Variants in EPS15 observed in about 807,000 individuals in gnomAD.
EPS15 encodes the protein epidermal growth factor receptor pathway substrate 15, also known as epidermal growth factor receptor substrate 15.
Under a neutral mutation model 113.8 loss-of-function variants are expected in EPS15, and 72 were observed. The ratio of observed to expected loss-of-function variants is 0.63; its 90% CI spans 0.52 to 0.77. The LOEUF (loss-of-function observed/expected upper bound fraction) is 0.77. Ranked by LOEUF, EPS15 falls within the 30% of genes least tolerant of loss-of-function variation. The probability of loss-of-function intolerance (pLI) is 0.00; values close to 1 mark genes in which losing one functional copy is unlikely to be tolerated. For missense variants in EPS15, 1,048 were observed against 1,045.8 expected, an observed-to-expected ratio of 1.00 and a Z score of -0.03; for synonymous variants, 344 against 363.4, an observed-to-expected ratio of 0.95 and a Z score of 0.61.
At chr1:51,372,723 G>T in intron 21 of EPS15, 1 of 410,448 alleles carries the variant, frequency 2.4e-6, no homozygotes, top group East Asian at 5.8e-5. Context: ...AAAAACATTT[G>T]AGCATGTGGC....
In EPS15 at chr1:51,421,816, A is replaced by G. The variant is rs778172771; in HGVS notation, c.1083T>C (p.Asp361=). 3.1e-6 allele frequency: 5 copies of G among 1,607,710 alleles called. No homozygotes were observed. The highest frequency in any genetic ancestry group is 1.7e-4 in the Middle Eastern group (1 of 6,044). Residue 361 remains aspartate (D), a synonymous_variant, in exon 13 of 25, where the codon GAT becomes GAC. Coordinates refer to ENST00000371733, the MANE Select transcript of EPS15 (RefSeq NM_001981.3). ...CCTCACTTGTCCTCTGTTTAATAGT[A>G]TCTTCCTTCTCCTTAAGGTCCTGTT... The part of the protein sequence containing the change: ...NVEQDLKEKE[D]TIKQRTSEVQ...
intron 21 of EPS15, among the ~76,000 whole-genome samples, chr1:51,390,147 T>C (rs867257660): frequency 0.066 from 10,059 of 151,348 alleles, 348 homozygotes; most frequent in African/African-American, 0.081. Context: ...ACAGAGCCCT[T>C]AGAAATAACG....
intron 15 of EPS15, among the ~76,000 whole-genome samples, chr1:51,407,496 G>A (rs762769996): frequency 2.6e-5 from 4 of 152,090 alleles, no homozygotes; most frequent in Admixed American, 2.0e-4. Context: ...CCACCATGCC[G>A]AGCCCTAACT....
intron 8 of EPS15, chr1:51,459,079 C>G (rs1318965107): frequency 6.6e-6 from 1 of 152,186 alleles, no homozygotes; most frequent in African/African-American, 2.4e-5. Flanking sequence ...GTTTCTCTTT[C>G]TGCATTTTTA....
chr1:51,408,830 C>T (rs979870511), intron 14 of EPS15, among the ~76,000 whole-genome samples: 4 of 141,024 alleles, frequency 2.8e-5, no homozygotes, highest in African/African-American at 1.1e-4. Flanking sequence ...GACAGAGTCT[C>T]GCTCTGTTGC....
intron 2 of EPS15, among the ~76,000 whole-genome samples, chr1:51,474,616 C>A (rs1655474023): frequency 6.6e-6 from 1 of 152,010 alleles, no homozygotes; most frequent in African/African-American, 2.4e-5. Flanking sequence ...GTGCATAAGC[C>A]CTTTCTGAGA....
At chr1:51,431,008 AC>A (rs1256902605) in intron 12 of EPS15, among the ~76,000 whole-genome samples, 3 of 150,150 alleles carry the variant, frequency 2.0e-5, no homozygotes, top group Non-Finnish European at 3.0e-5. Context: ...ACACACACAC[AC>A]ACACACACAC....
In EPS15 at chr1:51,426,835, C is replaced by A. The variant is rs538822697; in HGVS notation, c.1041-4977G>T. On this transcript the variant is annotated intron_variant, in intron 12 of 24. Coordinates refer to ENST00000371733, the MANE Select transcript of EPS15 (RefSeq NM_001981.3). ...TAAATCTGTCTCTCTCTCTCTCTCT[C>A]TCTATATATATATATATACACACAC... 2.9e-3 allele frequency among the ~76,000 whole-genome samples: 404 copies of A among 139,560 alleles called. 2 individuals carry two copies. The highest frequency in any genetic ancestry group is 0.011 in the African/African-American group (373 of 35,508). 91.6% of individuals were successfully genotyped at this position (139,560 alleles called of 152,430 possible). A position where few individuals can be genotyped will look rare whatever the true frequency, so the allele number is the denominator to read the frequency against.
intron 1 of EPS15, among the ~76,000 whole-genome samples, chr1:51,504,183 C>T (rs563451731): frequency 5.9e-5 from 9 of 152,088 alleles, no homozygotes; most frequent in African/African-American, 1.2e-4. Context: ...GAGGCGAAAG[C>T]GAGCATGTTG....
chr1:51,431,029 A>AC (rs1557462703), intron 12 of EPS15, among the ~76,000 whole-genome samples: 85 of 107,612 alleles, frequency 7.9e-4, no homozygotes, highest in African/African-American at 7.7e-4. Flanking sequence ...CACACACACA[A>AC]AAATAAAACT....
chr1:51,370,796 C>G (rs1307152888), intron 21 of EPS15, among the ~76,000 whole-genome samples: 2 of 151,786 alleles, frequency 1.3e-5, no homozygotes, highest in Non-Finnish European at 1.5e-5. Flanking sequence ...AATTTTTGCA[C>G]TTTTAGTAGA....
At chr1:51,514,158 A>C (rs1203099215) in intron 1 of EPS15, among the ~76,000 whole-genome samples, 1 of 152,192 alleles carries the variant, frequency 6.6e-6, no homozygotes, top group Non-Finnish European at 1.5e-5. Context: ...AATTTACAAG[A>C]TTCCTCAGAT....
At chr1:51,378,578 C>A (rs971781762) in intron 21 of EPS15, among the ~76,000 whole-genome samples, 1 of 152,180 alleles carries the variant, frequency 6.6e-6, no homozygotes. Flanking sequence ...GTAAGATACA[C>A]ATTTTAAAAC....
Position 51,445,037 on chromosome 1 carries a change from C to T in EPS15, c.806G>A (p.Cys269Tyr). 6.2e-7 allele frequency: 1 copy of T among 1,612,938 alleles called. No individual in the cohort carries two copies. The highest frequency in any genetic ancestry group is 8.5e-7 in the Non-Finnish European group (1 of 1,179,450). ...STLLAHIWSL[C>Y]DTKDCGKLSK... ...AAGCTTCCCACAGTCCTTTGTGTCG[C>T]ATAATGACCTGCACAAATAAACAAA... The change falls in exon 11 of 25, where the codon TGC becomes TAC. Residue 269 changes from cysteine (C) to tyrosine (Y), a missense_variant. Coordinates refer to ENST00000371733, the MANE Select transcript of EPS15 (RefSeq NM_001981.3).
intron 4 of EPS15, among the ~76,000 whole-genome samples, chr1:51,468,787 G>A (rs977512234): frequency 1.1e-4 from 16 of 152,094 alleles, no homozygotes; most frequent in Admixed American, 5.2e-4. Context: ...ACATAAATGG[G>A]AAAATACATA....
chr1:51,398,389 A>T (rs1050179758), intron 20 of EPS15, among the ~76,000 whole-genome samples: 1 of 152,184 alleles, frequency 6.6e-6, no homozygotes, highest in African/African-American at 2.4e-5. Flanking sequence ...TAAAACAGCA[A>T]CTAGCTATAG....
chr1:51,479,491 T>C (rs944503290), intron 2 of EPS15, among the ~76,000 whole-genome samples: 6 of 152,206 alleles, frequency 3.9e-5, no homozygotes, highest in African/African-American at 1.4e-4. Flanking sequence ...CCAGCTTTGT[T>C]CCATTGCTGG....
chr1:51,383,981 T>A (rs1646999434), intron 21 of EPS15, among the ~76,000 whole-genome samples: 1 of 152,030 alleles, frequency 6.6e-6, no homozygotes, highest in African/African-American at 2.4e-5. Context: ...AGAAAACAAT[T>A]CCATTTACAA....
chr1:51,417,544 G>A (rs773872646), intron 13 of EPS15, among the ~76,000 whole-genome samples: 1 of 152,160 alleles, frequency 6.6e-6, no homozygotes, highest in Non-Finnish European at 1.5e-5. Context: ...GAAGATATTG[G>A]AAGCTATACA....
Sources: gnomAD v4.1 joint callset for allele counts (sites outside exome capture counted in the v4.1 genomes callset) on GRCh38, gnomAD v4.1.1 for gene constraint, MANE v1.5 for transcripts, NCBI Gene and HGNC (gene_info 2026-07-23, HGNC 2026-07-21) for gene names.